PRKN: variants seen among roughly 807,000 people sequenced by gnomAD.
PRKN encodes parkin RBR E3 ubiquitin protein ligase, also known as E3 ubiquitin-protein ligase parkin.
Under a neutral mutation model 59.5 loss-of-function variants are expected in PRKN, and 56 were observed. The ratio of observed to expected loss-of-function variants is 0.94; its 90% CI spans 0.76 to 1.18. PRKN has a LOEUF of 1.18. Among genes scored for constraint, PRKN ranks in the 50% most tolerant of loss-of-function variants. PRKN has a pLI of 0.00. For synonymous variants in PRKN, 250 were observed against 222.1 expected (o/e 1.13, Z -1.12); for missense variants, 657 against 596.4 (o/e 1.10, Z -1.06).
At chr6:162,039,233 A>C (rs1783968505) in intron 5 of PRKN, among the ~76,000 whole-genome samples, 1 of 152,120 alleles carries the variant, frequency 6.6e-6, no homozygotes, top group African/African-American at 2.4e-5. Flanking sequence ...TATAGAAATA[A>C]TTCTAGCCCT....
chr6:162,065,531 CT>C (rs1216576810), intron 4 of PRKN, among the ~76,000 whole-genome samples: 2 of 151,874 alleles, frequency 1.3e-5, no homozygotes, highest in East Asian at 3.9e-4. Context: ...ACAGACATGC[CT>C]TGAAACAATT....
chr6:162,181,895 T>A (rs531951009), intron 4 of PRKN, among the ~76,000 whole-genome samples: 2 of 152,076 alleles, frequency 1.3e-5, no homozygotes, highest in African/African-American at 2.4e-5. Context: ...AGGTCACACA[T>A]CTAGGAAGAG....
rs1469204588 is a variant in PRKN, at chr6:161,498,653, C to CT, written c.1083+50200dup. Among the ~76,000 whole-genome samples, 2 of 152,194 alleles carry CT rather than the reference C, an allele frequency of 1.3e-5. No homozygotes were observed. Among genetic ancestry groups the CT allele is most frequent in the Non-Finnish European group, 2.9e-5 (2 of 68,038 alleles). ...CTGCTTCCTGAAGGAAGGGCTCCAC[C>CT]TGCCGACCCTGATGGAGAACGAGGT... On this transcript the variant is annotated intron_variant, in intron 9 of 11. Transcript: ENST00000366898. This position sits in a 1 kb window ranked among gnomAD's most constrained non-coding sequence, Gnocchi z 4.2.
rs1211162163 is a variant in PRKN at position 161,360,444 on chromosome 6, GCTC to G, written c.1168-242_1168-240del. The stretch of plus-strand genomic sequence containing the variant: ...GAGATTGTTTGGTTTTGTAGTGTGA[GCTC>G]CTCTATTCTGTTGTTTTGCATAATT... On this transcript the variant is annotated intron_variant, in intron 10 of 11. Coordinates refer to ENST00000366898, the MANE Select transcript of PRKN (RefSeq NM_004562.3). This position sits in a 1 kb window ranked among gnomAD's most constrained non-coding sequence, Gnocchi z 5.1. Among the ~76,000 whole-genome samples the G allele has an allele frequency of 6.6e-6, 1 of 152,198 alleles. No individual in the cohort carries two copies. The highest frequency in any genetic ancestry group is 1.5e-5 in the Non-Finnish European group (1 of 68,034).
rs147375010 is a variant in PRKN at position 162,664,484 on chromosome 6, G to A, written c.7+63178C>T. 9.4e-4 allele frequency among the ~76,000 whole-genome samples: 143 copies of A among 152,226 alleles called. No individual in the cohort carries two copies. In the East Asian group the frequency reaches 0.021, roughly 22 times the overall value. ...GAATCACCATACTGTCTTCCACAAC[G>A]GTCGAACTAATTTACATTCCTACCA... On this transcript the variant is annotated intron_variant, in intron 1 of 11. Transcript: ENST00000366898.
chr6:161,647,706 T>G (rs1464540969), intron 7 of PRKN, among the ~76,000 whole-genome samples: 1 of 152,218 alleles, frequency 6.6e-6, no homozygotes, highest in Non-Finnish European at 1.5e-5. Flanking sequence ...ATGAAGAAGT[T>G]TGCTAATGTT....
In PRKN at chr6:162,346,776, TATTG is replaced by T. The variant is rs1337137024; in HGVS notation, c.172-84015_172-84012del. Among the ~76,000 whole-genome samples, 7 of 152,304 alleles carry T rather than the reference TATTG, an allele frequency of 4.6e-5. No individual in the cohort carries two copies. The South Asian group carries it at 1.0e-3, about 23-fold the overall frequency. ...AATCTGTCAATATGGTAAATTACAT[TATTG>T]ATTATTTATGTTTACATAACATGAC... is the stretch of plus-strand genomic sequence containing the variant. On this transcript the variant is annotated intron_variant, in intron 2 of 11. Coordinates refer to ENST00000366898, the MANE Select transcript of PRKN (RefSeq NM_004562.3).
chr6:162,458,217 C>G (rs1268932050), intron 1 of PRKN, among the ~76,000 whole-genome samples: 2 of 129,786 alleles, frequency 1.5e-5, no homozygotes, highest in African/African-American at 2.7e-5. Flanking sequence ...GATCGCTCCA[C>G]TGCACTCCAG....
chr6:162,301,412 G>A (rs1781946439), intron 2 of PRKN, among the ~76,000 whole-genome samples: 1 of 152,076 alleles, frequency 6.6e-6, no homozygotes. Context: ...ACTGTATTTG[G>A]TCTTTGTAGT....
At chr6:162,196,995 G>A (rs984041787) in intron 4 of PRKN, among the ~76,000 whole-genome samples, 4 of 152,006 alleles carry the variant, frequency 2.6e-5, no homozygotes, top group African/African-American at 9.7e-5. Flanking sequence ...AATAACCCAG[G>A]TGGCTAACCA....
At chr6:161,652,888 T>G (rs988570995) in intron 7 of PRKN, among the ~76,000 whole-genome samples, 5 of 152,334 alleles carry the variant, frequency 3.3e-5, no homozygotes, top group African/African-American at 1.2e-4. Flanking sequence ...TTGCTTTTAA[T>G]ACCAATTCAA....
chr6:162,444,344 C>T (rs1790205870), intron 1 of PRKN, among the ~76,000 whole-genome samples: 1 of 152,270 alleles, frequency 6.6e-6, no homozygotes, highest in South Asian at 2.1e-4. Flanking sequence ...TAATACAGAG[C>T]TATGTCACAC....
intron 3 of PRKN, among the ~76,000 whole-genome samples, chr6:162,224,087 G>T (rs1278966890): frequency 1.4e-5 from 2 of 146,596 alleles, no homozygotes; most frequent in African/African-American, 2.5e-5. Context: ...ACCCCAAAAA[G>T]ATTTTTTTTT....
At chr6:162,432,016 T>C (rs1274316880) in intron 2 of PRKN, among the ~76,000 whole-genome samples, 2 of 152,230 alleles carry the variant, frequency 1.3e-5, no homozygotes, top group South Asian at 2.1e-4. Context: ...ATTAAGTCTA[T>C]TTTAAAGCTT....
chr6:162,593,946 C>T (rs1031996842), intron 1 of PRKN, among the ~76,000 whole-genome samples: 3 of 152,146 alleles, frequency 2.0e-5, no homozygotes, highest in Non-Finnish European at 4.4e-5. Flanking sequence ...GTCAGGAGTT[C>T]GAGCCCAGCC....
At chr6:161,452,044 C>T (rs1027028612) in intron 9 of PRKN, among the ~76,000 whole-genome samples, 4 of 151,978 alleles carry the variant, frequency 2.6e-5, no homozygotes, top group Non-Finnish European at 4.4e-5. Flanking sequence ...CACCCTCCCC[C>T]TCCCGGGTTC....
chr6:161,883,640 A>ATTTATT (rs759184258), intron 6 of PRKN, among the ~76,000 whole-genome samples: 1 of 151,944 alleles, frequency 6.6e-6, no homozygotes, highest in African/African-American at 2.4e-5. Context: ...TTTTTTATTA[A>ATTTATT]TTTATTTTTA....
chr6:162,452,207 A>C (rs2128171375), intron 1 of PRKN, among the ~76,000 whole-genome samples: 1 of 152,334 alleles, frequency 6.6e-6, no homozygotes, highest in African/African-American at 2.4e-5. Flanking sequence ...AAATAAAATT[A>C]AGATAATTTA....
In PRKN at chr6:161,498,954, G is replaced by C. The variant is rs901597145; in HGVS notation, c.1083+49900C>G. On this transcript the variant is annotated intron_variant, in intron 9 of 11. Transcript: ENST00000366898. The surrounding 1 kb of genome is among the most constrained non-coding windows in gnomAD (Gnocchi z 4.2). ...GTGTGTGTGTATGGGGATGGGGGAGGATTGAGATTCTTCTTTATCTTCTAC... is the reference window on the plus strand; with the variant it reads ...GTGTGTGTGTATGGGGATGGGGGAGCATTGAGATTCTTCTTTATCTTCTAC... Among the ~76,000 whole-genome samples the C allele has an allele frequency of 9.2e-5, 14 of 152,208 alleles. No individual in the cohort carries two copies. The highest frequency in any genetic ancestry group is 4.1e-4 in the South Asian group (2 of 4,822).
Sources: allele counts gnomAD v4.1 joint callset (sites outside exome capture counted in the v4.1 genomes callset), GRCh38; gene constraint gnomAD v4.1.1; non-coding constraint Gnocchi (gnomAD v3.1); transcripts MANE v1.5; gene names NCBI Gene and HGNC (gene_info 2026-07-23, HGNC 2026-07-21).